Variants in DIP2B observed in about 807,000 individuals in gnomAD.
DIP2B encodes the protein disco-interacting protein 2 homolog B.
A neutral mutation model predicts 198.0 loss-of-function variants in DIP2B; 76 were observed. The observed-to-expected ratio is 0.38, with a 90% CI of 0.32 to 0.46. The LOEUF is 0.46. Ranked by LOEUF, DIP2B falls within the 20% of genes least tolerant of loss-of-function variation. DIP2B has a pLI of 0.99. For missense variants in DIP2B, 1,559 were observed against 1,978.4 expected (o/e 0.79, Z 4.02); for synonymous variants, 701 against 739.1 (o/e 0.95, Z 0.84).
rs1957953817 is a variant in DIP2B, at chr12:50,505,047, G to GCGGCGGCGGCGGCGGCGGCGGC, written c.-94_-93insCGGCGGCGGCGGCGGCGGCGGC. ...CGGTGCTGGTGGTGCTCGGCGGCCG[G>GCGGCGGCGGCGGCGGCGGCGGC]AGCCGGATCCTGTAGCCGGGTGTGG... On this transcript the variant is annotated 5_prime_UTR_variant, in exon 1 of 38. It removes the in-frame stop codon of an upstream open reading frame in the 5' UTR. Transcript: ENST00000301180. 7.5e-7 allele frequency: 1 copy of GCGGCGGCGGCGGCGGCGGCGGC among 1,333,152 alleles called. No individual in the cohort carries two copies. The highest frequency in any genetic ancestry group is 1.0e-6 in the Non-Finnish European group (1 of 974,318). 82.6% of individuals were successfully genotyped at this position (1,333,152 alleles called of 1,614,324 possible). A position where few individuals can be genotyped will look rare whatever the true frequency, so the allele number is the denominator to read the frequency against.
chr12:50,538,987 TTTAAAAACTTG>T (rs1565817156), intron 1 of DIP2B, among the ~76,000 whole-genome samples: 1 of 152,232 alleles, frequency 6.6e-6, no homozygotes, highest in Non-Finnish European at 1.5e-5. Context: ...TCTTGTATTT[TTTAAAAACTTG>T]GAATAGTTAC....
chr12:50,739,347 C>G, intron 35 of DIP2B, 62 bp from the exon 36 acceptor site: 1 of 1,534,638 alleles, frequency 6.5e-7, no homozygotes, highest in Non-Finnish European at 8.8e-7. Flanking sequence ...ATAACCTGAT[C>G]CAAGAGAATT....
intron 1 of DIP2B, among the ~76,000 whole-genome samples, chr12:50,602,777 T>G (rs1301984178): frequency 6.7e-6 from 1 of 148,884 alleles, no homozygotes; most frequent in East Asian, 2.0e-4. Context: ...GAGAATCACT[T>G]GAACCTGAGA....
chr12:50,530,827 T>TG (rs1208384231), intron 1 of DIP2B, among the ~76,000 whole-genome samples: 10 of 152,054 alleles, frequency 6.6e-5, no homozygotes, highest in Non-Finnish European at 1.3e-4. Context: ...AAACAGGGAA[T>TG]AGAGGCAGAA....
chr12:50,697,533 CTTTTTTT>C (rs11306905), intron 17 of DIP2B, among the ~76,000 whole-genome samples: 1 of 45,970 alleles, frequency 2.2e-5, no homozygotes, highest in Admixed American at 4.3e-4. Flanking sequence ...TATAGATATA[CTTTTTTT>C]TTTTTTTTTT....
chr12:50,631,402 T>G (rs1938051229), intron 2 of DIP2B, among the ~76,000 whole-genome samples: 1 of 152,036 alleles, frequency 6.6e-6, no homozygotes, highest in South Asian at 2.1e-4. Flanking sequence ...AATTTTTGTA[T>G]TTTTAGTAGG....
At chr12:50,637,946 G>T (rs1938188195) in intron 2 of DIP2B, among the ~76,000 whole-genome samples, 1 of 152,076 alleles carries the variant, frequency 6.6e-6, no homozygotes, top group Admixed American at 6.5e-5. Context: ...GTATTTTTCT[G>T]CCAAGGAACA....
chr12:50,707,575 C>G (rs1222099456), intron 21 of DIP2B, among the ~76,000 whole-genome samples: 1 of 152,224 alleles, frequency 6.6e-6, no homozygotes, highest in African/African-American at 2.4e-5. Context: ...GTCCTGGAGG[C>G]TTCGGCTGTG....
Position 50,685,962 on chromosome 12 carries a change from T to C in DIP2B, c.1441+6T>C, listed in dbSNP as rs1939123394. Reference sequence around the variant, plus strand: ...AGAAATTGTACAGTTTAAAGGTTAGTAACATTGTACCTGAATTATCAGTTA... The same window carrying C: ...AGAAATTGTACAGTTTAAAGGTTAGCAACATTGTACCTGAATTATCAGTTA... On this transcript the variant is annotated splice_donor_region_variant and intron_variant, in intron 11 of 37. Transcript: ENST00000301180. The C allele has an allele frequency of 6.2e-7, 1 of 1,609,036 alleles. No homozygotes were observed. Among genetic ancestry groups the C allele is most frequent in the African/African-American group, 1.3e-5 (1 of 74,764 alleles).
chr12:50,545,396 C>T (rs972244172), intron 1 of DIP2B, among the ~76,000 whole-genome samples: 3 of 148,538 alleles, frequency 2.0e-5, no homozygotes, highest in African/African-American at 5.0e-5. Flanking sequence ...CCCTCCCTCC[C>T]CCTCCCCTCC....
chr12:50,730,478 C>T (rs1940023143), intron 30 of DIP2B, among the ~76,000 whole-genome samples: 1 of 151,192 alleles, frequency 6.6e-6, no homozygotes, highest in Non-Finnish European at 1.5e-5. Context: ...CTCTCGGGCT[C>T]AAGTGATCCT....
At chr12:50,550,095 G>A (rs747323296) in intron 1 of DIP2B, among the ~76,000 whole-genome samples, 1 of 152,154 alleles carries the variant, frequency 6.6e-6, no homozygotes, top group Non-Finnish European at 1.5e-5. Flanking sequence ...ATTTTGCCCT[G>A]TGTTAGTGCC....
intron 8 of DIP2B, chr12:50,680,072 A>G (rs1343857413): frequency 3.9e-5 from 6 of 152,238 alleles, no homozygotes; most frequent in Non-Finnish European, 8.8e-5. Flanking sequence ...CAGCCCAGAC[A>G]ACATGGCGAA....
At chr12:50,570,133 G>A (rs1958600297) in intron 1 of DIP2B, among the ~76,000 whole-genome samples, 2 of 152,092 alleles carry the variant, frequency 1.3e-5, no homozygotes, top group Non-Finnish European at 2.9e-5. Context: ...AACATTTTCC[G>A]TGCCCTGATT....
rs1354576308 is a variant in DIP2B, at chr12:50,742,412, AAAAAAAAAAAC to A, written c.4478+874_4478+884del. Among the ~76,000 whole-genome samples, 40 of 146,652 alleles carry A rather than the reference AAAAAAAAAAAC, an allele frequency of 2.7e-4. 3 individuals carry two copies. Among genetic ancestry groups the A allele is most frequent in the Non-Finnish European group, 3.3e-4 (22 of 66,104 alleles). On this transcript the variant is annotated intron_variant, in intron 37 of 37. Coordinates refer to ENST00000301180, the MANE Select transcript of DIP2B (RefSeq NM_173602.3). ...ACTGTCTCAAAAAAAAAAAAAAAAA[AAAAAAAAAAAC>A]CACCTCTGTAGTGTTTACCTACTGG...
At chr12:50,524,848 C>G (rs185167156) in intron 1 of DIP2B, among the ~76,000 whole-genome samples, 1 of 152,328 alleles carries the variant, frequency 6.6e-6, no homozygotes, top group Admixed American at 6.5e-5. Context: ...CCCCCTCAGC[C>G]TGCTGAGTAG....
intron 1 of DIP2B, among the ~76,000 whole-genome samples, chr12:50,624,976 C>CT (rs1054105525): frequency 4.6e-5 from 7 of 152,194 alleles, no homozygotes; most frequent in African/African-American, 1.2e-4. Context: ...GTCAGACATG[C>CT]TTTTTTCCCC....
At chr12:50,640,983 C>G in intron 3 of DIP2B, 131 bp downstream of exon 3, 3 of 1,133,546 alleles carry the variant, frequency 2.6e-6, no homozygotes, top group South Asian at 3.3e-5. Context: ...TTAACTCATT[C>G]ACCAATCATT....
At chr12:50,563,089 T>C (rs1227955288) in intron 1 of DIP2B, among the ~76,000 whole-genome samples, 1 of 152,212 alleles carries the variant, frequency 6.6e-6, no homozygotes, top group African/African-American at 2.4e-5. Context: ...ACAGAAGACC[T>C]GTTCATCAGT....
Sources: gnomAD v4.1 joint callset for allele counts (sites outside exome capture counted in the v4.1 genomes callset) on GRCh38, gnomAD v4.1.1 for gene constraint, MANE v1.5 for transcripts, NCBI Gene and HGNC (gene_info 2026-07-23, HGNC 2026-07-21) for gene names.